The following ZDHHC20 variants were observed in gnomAD, a reference collection of about 807,000 sequenced individuals.
ZDHHC20 encodes zDHHC palmitoyltransferase 20.
A neutral mutation model predicts 57.8 loss-of-function variants in ZDHHC20; 43 were observed. The observed-to-expected ratio is 0.74, with a 90% CI of 0.58 to 0.96. ZDHHC20 has a LOEUF of 0.96. Among genes scored for constraint, ZDHHC20 ranks in the 40% least tolerant of loss-of-function variants. The pLI is 0.00. For missense variants in ZDHHC20, 391 were observed against 441.1 expected, an observed-to-expected ratio of 0.89 and a Z score of 1.02; for synonymous variants, 157 against 153.0, an observed-to-expected ratio of 1.03 and a Z score of -0.19.
chr13:21,404,095 T>C (rs1211584778), intron 4 of ZDHHC20, among the ~76,000 whole-genome samples: 1 of 152,176 alleles, frequency 6.6e-6, no homozygotes, highest in African/African-American at 2.4e-5. Context: ...TTGTTTTTAC[T>C]AAAACACTAG....
chr13:21,413,416 T>C (rs11619933), intron 4 of ZDHHC20, among the ~76,000 whole-genome samples: 44,852 of 151,906 alleles, frequency 0.3, 6,823 homozygotes, highest in Admixed American at 0.33. Flanking sequence ...AAAAAACAAG[T>C]ACAGAAGAGA....
chr13:21,382,954 C>A lies in ZDHHC20; in HGVS notation c.910G>T (p.Ala304Ser). 1 of 1,565,272 alleles carries A rather than the reference C, an allele frequency of 6.4e-7. No individual in the cohort carries two copies. Among genetic ancestry groups the A allele is most frequent in the Admixed American group, 1.9e-5 (1 of 52,794 alleles). ...TACTCATTCTGGTTTGTAACAGAAG[C>A]TTGTTCTGGATCCATCCCCACAAGG... ...TRLVGMDPEQ[A>S]SVTNQNEYAR... Residue 304 changes from alanine (A) to serine (S), a missense_variant, in exon 10 of 13, where the codon GCT becomes TCT. Around this residue, in one of 3 missense-constraint regions of ZDHHC20, gnomAD observed 197 missense variants for 220.8 expected, o/e 0.89. Transcript: ENST00000400590.
At chr13:21,445,768 A>ACT (rs141564899) in intron 1 of ZDHHC20, among the ~76,000 whole-genome samples, 25,298 of 152,136 alleles carry the variant, frequency 0.17, 2,634 homozygotes, top group Non-Finnish European at 0.25. Context: ...TGAATATACG[A>ACT]CTGGAGAGAA....
At chr13:21,426,591 CT>C (rs370240759) in intron 1 of ZDHHC20, among the ~76,000 whole-genome samples, 1 of 150,282 alleles carries the variant, frequency 6.7e-6, no homozygotes, top group African/African-American at 2.4e-5. Flanking sequence ...TGGTTTCTTC[CT>C]TTTTTTCTCC....
At chr13:21,401,000 G>A (rs1877543947) in intron 6 of ZDHHC20, among the ~76,000 whole-genome samples, 1 of 152,084 alleles carries the variant, frequency 6.6e-6, no homozygotes, top group African/African-American at 2.4e-5. Flanking sequence ...AAATTGGGCC[G>A]AGTGCAGTGG....
intron 3 of ZDHHC20, among the ~76,000 whole-genome samples, chr13:21,415,266 C>T (rs1566090675): frequency 6.6e-6 from 1 of 152,180 alleles, no homozygotes; most frequent in Non-Finnish European, 1.5e-5. Flanking sequence ...CTGTGTTCTA[C>T]TCTGGTACAT....
intron 1 of ZDHHC20, among the ~76,000 whole-genome samples, chr13:21,426,696 C>T (rs1462439739): frequency 7.9e-5 from 12 of 151,722 alleles, no homozygotes; most frequent in Non-Finnish European, 1.2e-4. Context: ...ACCTCCACCT[C>T]CCAGGTTCAA....
chr13:21,380,211 G>A (rs984597348), intron 11 of ZDHHC20, among the ~76,000 whole-genome samples: 36 of 151,488 alleles, frequency 2.4e-4, no homozygotes, highest in African/African-American at 8.5e-4. Flanking sequence ...CGCCTCCCGG[G>A]TTCAAGCGAT....
At chr13:21,433,442 T>TC (rs1882211263) in intron 1 of ZDHHC20, among the ~76,000 whole-genome samples, 1 of 151,942 alleles carries the variant, frequency 6.6e-6, no homozygotes, top group African/African-American at 2.4e-5. Flanking sequence ...ACAGTAAAAC[T>TC]CCATCTCTAC....
At chr13:21,406,287 C>T (rs544439662) in intron 4 of ZDHHC20, among the ~76,000 whole-genome samples, 40 of 152,138 alleles carry the variant, frequency 2.6e-4, no homozygotes, top group Non-Finnish European at 4.7e-4. Flanking sequence ...ACTCATTTCC[C>T]GATCACTCCT....
At chr13:21,426,486 T>A (rs1156983089) in intron 1 of ZDHHC20, among the ~76,000 whole-genome samples, 1 of 152,196 alleles carries the variant, frequency 6.6e-6, no homozygotes, top group Non-Finnish European at 1.5e-5. Context: ...ATGAATACTC[T>A]TCAATACCTG....
chr13:21,412,544 CAAG>C (rs1272578594), intron 4 of ZDHHC20, among the ~76,000 whole-genome samples: 6 of 152,046 alleles, frequency 3.9e-5, no homozygotes, highest in Admixed American at 1.3e-4. Context: ...GAAAGCGTTT[CAAG>C]AAGACAGAAT....
intron 1 of ZDHHC20, among the ~76,000 whole-genome samples, chr13:21,456,365 G>A (rs1241559965): frequency 6.6e-6 from 1 of 152,114 alleles, no homozygotes; most frequent in Non-Finnish European, 1.5e-5. Context: ...AGCCAAGATC[G>A]CATCATTGCA....
At position 21,413,768 on chromosome 13, in the gene ZDHHC20, T is replaced by C. The variant is rs762547078; in HGVS notation, c.254A>G (p.Tyr85Cys). Residue 85 changes from tyrosine (Y) to cysteine (C), a missense_variant, in exon 4 of 13, where the codon TAC (tyrosine) becomes TGC (cysteine). Transcript: ENST00000400590. ...TSPASPSKEF[Y>C]LSNSEKERYE... is the part of the protein sequence containing the mutation. ...ACGTTCCTTTTCAGAATTGGACAAG[T>C]AGAACTATAAAAGGAAAGAGGACTA... The C allele has an allele frequency of 1.2e-5, 19 of 1,606,978 alleles. No individual in the cohort carries two copies. In the African/African-American group the frequency reaches 2.1e-4, roughly 18 times the overall value.
At chr13:21,455,073 A>C (rs1296722191) in intron 1 of ZDHHC20, among the ~76,000 whole-genome samples, 3 of 152,096 alleles carry the variant, frequency 2.0e-5, no homozygotes, top group Non-Finnish European at 4.4e-5. Context: ...GGCACCCGCC[A>C]CCACACTCGG....
chr13:21,408,477 CTT>C (rs1164198121), intron 4 of ZDHHC20, among the ~76,000 whole-genome samples: 1 of 152,162 alleles, frequency 6.6e-6, no homozygotes, highest in African/African-American at 2.4e-5. Flanking sequence ...TATCCTGAGA[CTT>C]TGCTGAAGTT....
chr13:21,436,741 G>C (rs1882591147), intron 1 of ZDHHC20, among the ~76,000 whole-genome samples: 1 of 152,146 alleles, frequency 6.6e-6, no homozygotes, highest in Non-Finnish European at 1.5e-5. Flanking sequence ...AAGTGTTCAG[G>C]TGAAAGGAAG....
chr13:21,441,646 G>A (rs972166866), intron 1 of ZDHHC20, among the ~76,000 whole-genome samples: 14 of 133,830 alleles, frequency 1.0e-4, no homozygotes, highest in African/African-American at 2.8e-4. Context: ...CTCGTGATCC[G>A]CCCACCTCAG....
In ZDHHC20 at chr13:21,374,741, A is replaced by T. The variant is rs974475680; in HGVS notation, c.*1955T>A. ...ATGGAAATTAGGCCAAATTATAAACAAATTATAAACCTACAGTAGCAACCA... is the reference window on the plus strand; with the variant it reads ...ATGGAAATTAGGCCAAATTATAAACTAATTATAAACCTACAGTAGCAACCA... On this transcript the variant is annotated 3_prime_UTR_variant, in exon 13 of 13. Transcript: ENST00000400590. 1.2e-5 allele frequency: 3 copies of T among 241,592 alleles called. No individual in the cohort carries two copies. In the South Asian group the frequency reaches 1.6e-4, roughly 13 times the overall value. 15.0% of individuals were successfully genotyped at this position (241,592 alleles called of 1,614,324 possible). A position where few individuals can be genotyped will look rare whatever the true frequency, so the allele number is the denominator to read the frequency against.
Sources: gnomAD v4.1 joint callset for allele counts (sites outside exome capture counted in the v4.1 genomes callset) on GRCh38, gnomAD v4.1.1 for gene constraint, gnomAD v4.1.1 regional missense constraint, MANE v1.5 for transcripts, NCBI Gene and HGNC (gene_info 2026-07-23, HGNC 2026-07-21) for gene names.